KIRREL3: variants seen among roughly 807,000 people sequenced by gnomAD.
KIRREL3 encodes the protein kirre like nephrin family adhesion molecule 3, also known as kin of IRRE-like protein 3.
Under a neutral mutation model 89.7 loss-of-function variants are expected in KIRREL3, and 36 were observed. That is an observed-to-expected ratio of 0.40 (90% confidence interval 0.31 to 0.53). The LOEUF is 0.53. Ranked by LOEUF, KIRREL3 falls within the 20% of genes least tolerant of loss-of-function variation. The probability of loss-of-function intolerance (pLI) is 0.49; values close to 1 mark genes in which losing one functional copy is unlikely to be tolerated. For synonymous variants in KIRREL3, 445 were observed against 441.4 expected (o/e 1.01, Z -0.10); for missense variants, 864 against 1,056.6 (o/e 0.82, Z 2.53).
At position 126,817,020 on chromosome 11, in the gene KIRREL3, G is replaced by A. The variant is rs1264340524; in HGVS notation, c.55+183435C>T. ...CGTTACTTTAGGGAAGGAAGAACCT[G>A]TTGCATTAAAAATAGAGCTAAGGTA... On this transcript the variant is annotated intron_variant, in intron 1 of 16. Coordinates refer to ENST00000525144, the MANE Select transcript of KIRREL3 (RefSeq NM_032531.4). This position sits in a 1 kb window ranked among gnomAD's most constrained non-coding sequence, Gnocchi z 5.7. Among the ~76,000 whole-genome samples the A allele has an allele frequency of 6.6e-6, 1 of 152,166 alleles. No homozygotes were observed. The highest frequency in any genetic ancestry group is 2.4e-5 in the African/African-American group (1 of 41,430).
At chr11:126,665,010 A>G (rs568105094) in intron 1 of KIRREL3, among the ~76,000 whole-genome samples, 2 of 152,234 alleles carry the variant, frequency 1.3e-5, no homozygotes, top group South Asian at 2.1e-4. Context: ...TGCTTCTCAC[A>G]ATGAGCAGAC....
intron 1 of KIRREL3, among the ~76,000 whole-genome samples, chr11:126,573,785 A>G (rs1482770367): frequency 6.6e-6 from 1 of 152,128 alleles, no homozygotes; most frequent in Non-Finnish European, 1.5e-5. Context: ...GAAAGCTCAA[A>G]TGCAGTCTCT....
At chr11:126,831,653 C>T (rs1050953601) in intron 1 of KIRREL3, among the ~76,000 whole-genome samples, 2 of 152,046 alleles carry the variant, frequency 1.3e-5, no homozygotes, top group African/African-American at 4.8e-5. Flanking sequence ...TGACTTTTAC[C>T]CCAAATTTAG....
At chr11:126,961,194 C>T (rs1033460680) in intron 1 of KIRREL3, among the ~76,000 whole-genome samples, 5 of 152,122 alleles carry the variant, frequency 3.3e-5, no homozygotes, top group African/African-American at 7.2e-5. Flanking sequence ...GTGAAAGAGT[C>T]GCATGTCTGT....
rs1356232045 is a variant in KIRREL3, at chr11:126,676,492, G to T, written c.56-113580C>A. ...TCTTTGACCAGTGTTTCTCAAATTT[G>T]CACCTGCAGATGTTGTATTGTTTTG... On this transcript the variant is annotated intron_variant, in intron 1 of 16. Coordinates refer to ENST00000525144, the MANE Select transcript of KIRREL3 (RefSeq NM_032531.4). The surrounding 1 kb of genome is among the most constrained non-coding windows in gnomAD (Gnocchi z 4.5). 6.6e-6 allele frequency among the ~76,000 whole-genome samples: 1 copy of T among 152,132 alleles called. No individual in the cohort carries two copies. Among genetic ancestry groups the T allele is most frequent in the African/African-American group, 2.4e-5 (1 of 41,426 alleles).
intron 2 of KIRREL3, among the ~76,000 whole-genome samples, chr11:126,539,257 C>T (rs970384901): frequency 6.6e-6 from 1 of 152,186 alleles, no homozygotes; most frequent in Non-Finnish European, 1.5e-5. Context: ...CATTACAAGC[C>T]TAGCAGGCTG....
chr11:126,941,448 C>T (rs1423827768), intron 1 of KIRREL3, among the ~76,000 whole-genome samples: 2 of 152,200 alleles, frequency 1.3e-5, no homozygotes, highest in African/African-American at 2.4e-5. Flanking sequence ...GACTCATGAT[C>T]AGAAATTCCA....
chr11:126,549,916 C>G (rs1939124496), intron 2 of KIRREL3: 1 of 152,196 alleles, frequency 6.6e-6, no homozygotes, highest in African/African-American at 2.4e-5. Flanking sequence ...GTTGCAACAG[C>G]CTCTTAGAAT....
rs1178276695 is a variant in KIRREL3 at position 126,571,970 on chromosome 11, G to A, written c.56-9058C>T. 6.6e-6 allele frequency among the ~76,000 whole-genome samples: 1 copy of A among 152,204 alleles called. No homozygotes were observed. Among genetic ancestry groups the A allele is most frequent in the Non-Finnish European group, 1.5e-5 (1 of 68,026 alleles). Reference sequence around the variant, plus strand: ...ACACACCCTGTGAGGAACAGGGGCTGCCAAAAGCCATATGCCTGAGGGCTG... The same window carrying A: ...ACACACCCTGTGAGGAACAGGGGCTACCAAAAGCCATATGCCTGAGGGCTG... On this transcript the variant is annotated intron_variant, in intron 1 of 16. Transcript: ENST00000525144. The surrounding 1 kb of genome is among the most constrained non-coding windows in gnomAD (Gnocchi z 7.7).
At position 126,608,023 on chromosome 11, in the gene KIRREL3, C is replaced by G. The variant is rs912317155; in HGVS notation, c.56-45111G>C. ...GGGCCTTTCTCATCATCTCCCGTGC[C>G]TGCCGTGCTGTCTCTTACCAACCCA... On this transcript the variant is annotated intron_variant, in intron 1 of 16. Coordinates refer to ENST00000525144, the MANE Select transcript of KIRREL3 (RefSeq NM_032531.4). This position sits in a 1 kb window ranked among gnomAD's most constrained non-coding sequence, Gnocchi z 4.9. Among the ~76,000 whole-genome samples, 1 of 152,132 alleles carries G rather than the reference C, an allele frequency of 6.6e-6. No individual in the cohort carries two copies. Among genetic ancestry groups the G allele is most frequent in the Non-Finnish European group, 1.5e-5 (1 of 68,036 alleles).
rs1940947688 is a variant in KIRREL3 at position 126,571,770 on chromosome 11, G to A, written c.56-8858C>T. 6.6e-6 allele frequency among the ~76,000 whole-genome samples: 1 copy of A among 152,080 alleles called. No homozygotes were observed. Among genetic ancestry groups the A allele is most frequent in the Non-Finnish European group, 1.5e-5 (1 of 68,022 alleles). ...CCGTTTGTGAGAGGGGTGGGGCGGG[G>A]GGATGTTAAATAATGTTGGTTAAAG... On this transcript the variant is annotated intron_variant, in intron 1 of 16. Transcript: ENST00000525144. The surrounding 1 kb of genome is among the most constrained non-coding windows in gnomAD (Gnocchi z 7.7).
rs1015010344 is a variant in KIRREL3 at position 126,795,463 on chromosome 11, G to A, written c.55+204992C>T. On this transcript the variant is annotated intron_variant, in intron 1 of 16. Coordinates refer to ENST00000525144, the MANE Select transcript of KIRREL3 (RefSeq NM_032531.4). This position sits in a 1 kb window ranked among gnomAD's most constrained non-coding sequence, Gnocchi z 4.1. ...CTGCTCACTGCAACCTCCGCTTCCC[G>A]GATTCAAGCGATTCTCCTGCCTCAG... 1.3e-5 allele frequency among the ~76,000 whole-genome samples: 2 copies of A among 152,112 alleles called. No homozygotes were observed. The highest frequency in any genetic ancestry group is 2.1e-4 in the South Asian group (1 of 4,822).
In KIRREL3 at chr11:126,564,582, C is replaced by T. The variant is rs1302550730; in HGVS notation, c.56-1670G>A. Among the ~76,000 whole-genome samples the T allele has an allele frequency of 3.9e-5, 6 of 152,310 alleles. No homozygotes were observed. Among genetic ancestry groups the T allele is most frequent in the Non-Finnish European group, 7.4e-5 (5 of 68,016 alleles). On this transcript the variant is annotated intron_variant, in intron 1 of 16. Transcript: ENST00000525144. This position sits in a 1 kb window ranked among gnomAD's most constrained non-coding sequence, Gnocchi z 7.4. ...CTGGCGTCTGAAGGCTTAGCCAAAC[C>T]GCCCTCACTTCAAACGGTCTTACAT...
intron 1 of KIRREL3, among the ~76,000 whole-genome samples, chr11:126,700,792 T>C (rs919518085): frequency 6.6e-6 from 1 of 152,208 alleles, no homozygotes; most frequent in Non-Finnish European, 1.5e-5. Context: ...GGCCTGACTT[T>C]GTGATGGGCA....
chr11:126,623,286 C>A lies in KIRREL3; in HGVS notation c.56-60374G>T, dbSNP rs926316798. Among the ~76,000 whole-genome samples, 3 of 152,160 alleles carry A rather than the reference C, an allele frequency of 2.0e-5. No individual in the cohort carries two copies. The highest frequency in any genetic ancestry group is 4.4e-5 in the Non-Finnish European group (3 of 68,030). ...AGTGTCTTTGCACATAAACAGACTG[C>A]CTCCCTGGAAACCAGGCCTGTCCTT... On this transcript the variant is annotated intron_variant, in intron 1 of 16. Coordinates refer to ENST00000525144, the MANE Select transcript of KIRREL3 (RefSeq NM_032531.4). This position sits in a 1 kb window ranked among gnomAD's most constrained non-coding sequence, Gnocchi z 4.1.
intron 1 of KIRREL3, among the ~76,000 whole-genome samples, chr11:126,835,299 G>A (rs1228761760): frequency 6.6e-6 from 1 of 152,150 alleles, no homozygotes; most frequent in Non-Finnish European, 1.5e-5. Context: ...GACCCCTTGT[G>A]GATGCTAAGG....
Position 126,766,181 on chromosome 11 carries a change from C to T in KIRREL3, c.56-203269G>A, listed in dbSNP as rs529698100. 2.0e-5 allele frequency among the ~76,000 whole-genome samples: 3 copies of T among 151,922 alleles called. No homozygotes were observed. The highest frequency in any genetic ancestry group is 7.3e-5 in the African/African-American group (3 of 41,372). On this transcript the variant is annotated intron_variant, in intron 1 of 16. Transcript: ENST00000525144. The surrounding 1 kb of genome is among the most constrained non-coding windows in gnomAD (Gnocchi z 4.2). ...AGGATGCCCACACTAACTGGAGTCT[C>T]TACCTCTCTCCTCCTCCCCTCTCTT...
Position 126,872,446 on chromosome 11 carries a change from G to A in KIRREL3, c.55+128009C>T, listed in dbSNP as rs1486326509. Among the ~76,000 whole-genome samples, 1 of 152,196 alleles carries A rather than the reference G, an allele frequency of 6.6e-6. No homozygotes were observed. The highest frequency in any genetic ancestry group is 1.5e-5 in the Non-Finnish European group (1 of 68,030). Reference sequence around the variant, plus strand: ...AAGGAGCGGCTCCCCTGCTGCTGCTGTATGCTGCCACTTCAATAAAGTTGC... The same window carrying A: ...AAGGAGCGGCTCCCCTGCTGCTGCTATATGCTGCCACTTCAATAAAGTTGC... On this transcript the variant is annotated intron_variant, in intron 1 of 16. Coordinates refer to ENST00000525144, the MANE Select transcript of KIRREL3 (RefSeq NM_032531.4). The surrounding 1 kb of genome is among the most constrained non-coding windows in gnomAD (Gnocchi z 4.2).
At chr11:126,722,655 G>C (rs922826234) in intron 1 of KIRREL3, among the ~76,000 whole-genome samples, 3 of 152,258 alleles carry the variant, frequency 2.0e-5, no homozygotes, top group Middle Eastern at 3.2e-3. Context: ...TTACTGACTA[G>C]TGATTAGCCT....
Sources: gnomAD v4.1 joint callset for allele counts (sites outside exome capture counted in the v4.1 genomes callset) on GRCh38, gnomAD v4.1.1 for gene constraint, Gnocchi (gnomAD v3.1) non-coding constraint, MANE v1.5 for transcripts, NCBI Gene and HGNC (gene_info 2026-07-23, HGNC 2026-07-21) for gene names.